Variants in CTNNA3 observed in about 807,000 individuals in gnomAD.
CTNNA3 encodes the protein catenin alpha 3.
Under a neutral mutation model 95.7 loss-of-function variants are expected in CTNNA3, and 76 were observed. The ratio of observed to expected loss-of-function variants is 0.79; its 90% CI spans 0.66 to 0.96. CTNNA3 has a LOEUF of 0.96. Among genes scored for constraint, CTNNA3 ranks in the 40% least tolerant of loss-of-function variants. The pLI, the probability that CTNNA3 is intolerant of heterozygous loss-of-function variation, is 0.00. For synonymous variants in CTNNA3, 431 were observed against 374.4 expected (o/e 1.15, Z -1.74); for missense variants, 1,191 against 1,089.8 (o/e 1.09, Z -1.31).
intron 5 of CTNNA3, among the ~76,000 whole-genome samples, chr10:67,459,503 T>C (rs1589312149): frequency 1.3e-5 from 2 of 152,330 alleles, no homozygotes; most frequent in South Asian, 2.1e-4. Flanking sequence ...TCAAGCCATG[T>C]ATTTTTTCTT....
intron 1 of CTNNA3, chr10:67,750,918 C>A (rs1841403552): frequency 6.2e-7 from 1 of 1,610,076 alleles, no homozygotes; most frequent in African/African-American, 1.3e-5. Context: ...CCTACAGCCC[C>A]CTAGGCTCTC....
intron 5 of CTNNA3, among the ~76,000 whole-genome samples, chr10:67,377,524 T>C (rs990892643): frequency 2.0e-5 from 3 of 152,214 alleles, no homozygotes; most frequent in Non-Finnish European, 2.9e-5. Flanking sequence ...TGATTTAAAG[T>C]ACAGGGTCTG....
intron 12 of CTNNA3, among the ~76,000 whole-genome samples, chr10:66,376,301 G>C (rs1352739371): frequency 6.6e-6 from 1 of 152,148 alleles, no homozygotes; most frequent in Non-Finnish European, 1.5e-5. Context: ...ATTCCTGACA[G>C]GAGGAGGAGC....
At chr10:67,442,707 G>C (rs1039154939) in intron 5 of CTNNA3, among the ~76,000 whole-genome samples, 5 of 152,078 alleles carry the variant, frequency 3.3e-5, no homozygotes, top group Non-Finnish European at 5.9e-5. Flanking sequence ...CCCAATGATA[G>C]AGCACCCAGA....
Position 66,962,270 on chromosome 10 carries a change from C to G in CTNNA3, c.1048-186746G>C, listed in dbSNP as rs529452393. ...ATTTTCTCACTGACCTTATCACCCA[C>G]TAGCCTCTCTTTGGCTTATTACAGG... On this transcript the variant is annotated intron_variant, in intron 7 of 17. Coordinates refer to ENST00000433211, the MANE Select transcript of CTNNA3 (RefSeq NM_013266.4). 9.9e-5 allele frequency among the ~76,000 whole-genome samples: 15 copies of G among 152,284 alleles called. No homozygotes were observed. The South Asian group carries it at 1.5e-3, about 15-fold the overall frequency.
chr10:67,721,837 G>A (rs981204895), intron 1 of CTNNA3, among the ~76,000 whole-genome samples: 1 of 152,118 alleles, frequency 6.6e-6, no homozygotes, highest in African/African-American at 2.4e-5. Flanking sequence ...TTCAGATGGG[G>A]TTTTTGTGTG....
chr10:67,245,873 AAC>A (rs1419098158), intron 5 of CTNNA3, among the ~76,000 whole-genome samples: 4 of 151,698 alleles, frequency 2.6e-5, no homozygotes, highest in African/African-American at 7.3e-5. Context: ...AAAAAAAAAA[AAC>A]CAGAGAATTA....
At chr10:66,029,000 CT>C (rs1335128190) in intron 15 of CTNNA3, among the ~76,000 whole-genome samples, 1 of 151,972 alleles carries the variant, frequency 6.6e-6, no homozygotes, top group East Asian at 1.9e-4. Context: ...GGAGGTGAAA[CT>C]TTTGAGAAAA....
intron 13 of CTNNA3, among the ~76,000 whole-genome samples, chr10:66,168,344 G>A (rs560576073): frequency 1.5e-4 from 17 of 109,958 alleles, no homozygotes; most frequent in Admixed American, 3.2e-4. Context: ...TCTAGTTAAG[G>A]TATCCATTTA....
chr10:67,662,285 G>C (rs1840211121), intron 1 of CTNNA3, among the ~76,000 whole-genome samples: 1 of 152,066 alleles, frequency 6.6e-6, no homozygotes, highest in Non-Finnish European at 1.5e-5. Context: ...TAATAAAATA[G>C]AATGATTTTA....
intron 8 of CTNNA3, among the ~76,000 whole-genome samples, chr10:66,769,065 G>A (rs1015551867): frequency 6.6e-6 from 1 of 152,150 alleles, no homozygotes. Flanking sequence ...TTTAAAGAGT[G>A]ACTGTTTTTC....
intron 5 of CTNNA3, among the ~76,000 whole-genome samples, chr10:67,273,727 C>T (rs1839073277): frequency 2.6e-5 from 4 of 151,898 alleles, no homozygotes; most frequent in Admixed American, 2.6e-4. Flanking sequence ...ACTACTTTCC[C>T]ATAAAAAGAA....
chr10:66,635,147 G>A (rs10822862), intron 9 of CTNNA3, among the ~76,000 whole-genome samples: 18,174 of 151,942 alleles, frequency 0.12, 1,889 homozygotes, highest in African/African-American at 0.26. Context: ...ATTCACCTCA[G>A]AATCACCACT....
At position 67,652,747 on chromosome 10, in the gene CTNNA3, C is replaced by T. The variant is rs185730633; in HGVS notation, c.-5-5229G>A. ...CAATTCAATTCCCTTAATCTTTGTT[C>T]CACCCTTGCCAATTTGACATCATAG... On this transcript the variant is annotated intron_variant, in intron 1 of 17. Transcript: ENST00000433211. 6.8e-3 allele frequency among the ~76,000 whole-genome samples: 1,026 copies of T among 149,852 alleles called. 5 individuals carry two copies. The highest frequency in any genetic ancestry group is 0.01 in the Middle Eastern group (3 of 292).
intron 5 of CTNNA3, among the ~76,000 whole-genome samples, chr10:67,295,208 T>C (rs1401915421): frequency 6.6e-6 from 1 of 152,188 alleles, no homozygotes; most frequent in African/African-American, 2.4e-5. Context: ...ATGCCTACTA[T>C]CTGTGAGAAA....
intron 7 of CTNNA3, among the ~76,000 whole-genome samples, chr10:66,969,862 A>G (rs916882846): frequency 1.3e-5 from 2 of 152,134 alleles, no homozygotes; most frequent in African/African-American, 4.8e-5. Flanking sequence ...TTTCCACAAC[A>G]TGGAGAGTAT....
chr10:67,711,852 C>A (rs916385101), intron 1 of CTNNA3, among the ~76,000 whole-genome samples: 19 of 150,210 alleles, frequency 1.3e-4, no homozygotes. Flanking sequence ...TTTGTTCTTG[C>A]GATAGTTTAC....
intron 5 of CTNNA3, among the ~76,000 whole-genome samples, chr10:67,440,252 G>T (rs78430046): frequency 6.6e-6 from 1 of 152,154 alleles, no homozygotes; most frequent in Non-Finnish European, 1.5e-5. Context: ...AGACAGCTCC[G>T]CCTGTGGAAA....
At chr10:67,001,325 G>A (rs2204244) in intron 7 of CTNNA3, among the ~76,000 whole-genome samples, 46,913 of 149,586 alleles carry the variant, frequency 0.31, 7,642 homozygotes, top group Middle Eastern at 0.5. Flanking sequence ...AAAAAAAAGA[G>A]AAAAAAATTA....
Sources: gnomAD v4.1 joint callset for allele counts (sites outside exome capture counted in the v4.1 genomes callset) on GRCh38, gnomAD v4.1.1 for gene constraint, MANE v1.5 for transcripts, NCBI Gene and HGNC (gene_info 2026-07-23, HGNC 2026-07-21) for gene names.